DLGAP2: variants seen among roughly 807,000 people sequenced by gnomAD.
DLGAP2 encodes disks large-associated protein 2.
Under a neutral mutation model 100.3 loss-of-function variants are expected in DLGAP2, and 26 were observed. That is an observed-to-expected ratio of 0.26 (90% CI 0.19 to 0.36). The LOEUF is 0.36. Ranked by LOEUF, DLGAP2 falls within the 10% of genes least tolerant of loss-of-function variation. DLGAP2 has a pLI of 1.00. For missense variants in DLGAP2, 1,858 were observed against 1,453.2 expected (o/e 1.28, Z -4.53); for synonymous variants, 886 against 630.1 (o/e 1.41, Z -6.08).
At chr8:995,293 C>A (rs922456159) in intron 2 of DLGAP2, among the ~76,000 whole-genome samples, 2 of 152,132 alleles carry the variant, frequency 1.3e-5, no homozygotes, top group African/African-American at 4.8e-5. Flanking sequence ...GTTTCTGTGA[C>A]ATCAGTTTTT....
chr8:1,665,442 C>T (rs1400517318), intron 8 of DLGAP2, among the ~76,000 whole-genome samples: 2 of 152,204 alleles, frequency 1.3e-5, no homozygotes, highest in Non-Finnish European at 1.5e-5. Context: ...TATGTGCCAT[C>T]GTTCACTGCT....
intron 1 of DLGAP2, among the ~76,000 whole-genome samples, chr8:857,834 T>C (rs1797309738): frequency 6.6e-6 from 1 of 152,006 alleles, no homozygotes. Flanking sequence ...TTCACCCAGA[T>C]ACTTGAAAAC....
intron 2 of DLGAP2, among the ~76,000 whole-genome samples, chr8:958,553 A>G (rs1317923183): frequency 2.1e-5 from 3 of 145,076 alleles, no homozygotes; most frequent in Non-Finnish European, 4.5e-5. Context: ...TTGTAATGCC[A>G]TTAGTTATTG....
At chr8:931,568 G>C (rs1347946755) in intron 2 of DLGAP2, among the ~76,000 whole-genome samples, 1 of 152,178 alleles carries the variant, frequency 6.6e-6, no homozygotes, top group Non-Finnish European at 1.5e-5. Flanking sequence ...TGCAGTGAGA[G>C]CTGGGACATT....
intron 2 of DLGAP2, among the ~76,000 whole-genome samples, chr8:1,087,140 G>T (rs999860416): frequency 3.9e-5 from 6 of 152,146 alleles, no homozygotes; most frequent in Admixed American, 6.5e-5. Flanking sequence ...GTTAAACAAT[G>T]TGCAGAAAAG....
At chr8:1,093,336 G>A (rs889840984) in intron 2 of DLGAP2, among the ~76,000 whole-genome samples, 6 of 151,290 alleles carry the variant, frequency 4.0e-5, no homozygotes, top group African/African-American at 1.5e-4. Flanking sequence ...CCAACAGCCA[G>A]ACAGAAACAC....
At chr8:1,700,836 A>C (rs1259427678) in intron 14 of DLGAP2, among the ~76,000 whole-genome samples, 1 of 152,260 alleles carries the variant, frequency 6.6e-6, no homozygotes, top group African/African-American at 2.4e-5. Context: ...CGGAGATGAC[A>C]CAGGGCTTTG....
chr8:1,203,654 G>A (rs1797930378), intron 2 of DLGAP2, among the ~76,000 whole-genome samples: 1 of 152,216 alleles, frequency 6.6e-6, no homozygotes, highest in Non-Finnish European at 1.5e-5. Flanking sequence ...ATCAAGGAAT[G>A]GATGACGGTG....
chr8:1,389,777 C>T (rs1796305935), intron 3 of DLGAP2, among the ~76,000 whole-genome samples: 1 of 152,070 alleles, frequency 6.6e-6, no homozygotes, highest in Admixed American at 6.5e-5. Flanking sequence ...CAGGTACAAC[C>T]CCGGGCGGAG....
chr8:1,617,240 C>T (rs1466119973), intron 6 of DLGAP2, among the ~76,000 whole-genome samples: 1 of 152,188 alleles, frequency 6.6e-6, no homozygotes, highest in Non-Finnish European at 1.5e-5. Flanking sequence ...TGTGTGTATA[C>T]ACAATAATGG....
chr8:1,202,829 G>C lies in DLGAP2; in HGVS notation c.74-56022G>C, dbSNP rs532423563. On this transcript the variant is annotated intron_variant, in intron 2 of 14. Coordinates refer to ENST00000637795, the MANE Select transcript of DLGAP2 (RefSeq NM_001346810.2). ...CACTGAACACGCCTGATCAGATGCA[G>C]CTCGAGGAAAAAGCAGCCATGTCTT... 1.3e-4 allele frequency among the ~76,000 whole-genome samples: 20 copies of C among 152,314 alleles called. No individual in the cohort carries two copies. In the South Asian group the frequency reaches 1.7e-3, roughly 13 times the overall value.
chr8:941,617 A>G (rs778688859), intron 2 of DLGAP2, among the ~76,000 whole-genome samples: 1 of 152,188 alleles, frequency 6.6e-6, no homozygotes, highest in Non-Finnish European at 1.5e-5. Flanking sequence ...CTGGAGATCT[A>G]ATTCTCAGGA....
intron 2 of DLGAP2, among the ~76,000 whole-genome samples, chr8:1,213,540 C>T (rs574602332): frequency 3.9e-5 from 6 of 152,226 alleles, no homozygotes; most frequent in East Asian, 3.9e-4. Flanking sequence ...TGAGGGATTT[C>T]CACCTGTATT....
rs1427333006 is a variant in DLGAP2 at position 1,702,144 on chromosome 8, G to T, written c.*738G>T. On this transcript the variant is annotated 3_prime_UTR_variant, in exon 15 of 15. Transcript: ENST00000637795. ...CTGAGTGTTCCCACCAGGAAGTCAC[G>T]CGCAGAGAGGAGAGTCTTACGGAGG... 2.0e-5 allele frequency: 3 copies of T among 152,202 alleles called. No homozygotes were observed. Among genetic ancestry groups the T allele is most frequent in the Non-Finnish European group, 4.4e-5 (3 of 68,046 alleles). 9.4% of individuals were successfully genotyped at this position (152,202 alleles called of 1,614,324 possible).
chr8:918,226 A>G lies in DLGAP2; in HGVS notation c.73+10260A>G, dbSNP rs181779780. On this transcript the variant is annotated intron_variant, in intron 2 of 14. Coordinates refer to ENST00000637795, the MANE Select transcript of DLGAP2 (RefSeq NM_001346810.2). ...GGGGCATGGAAATGTGTGTTTGTGC[A>G]TGCACTTACTGGAAATTCAAAACAT... 1.2e-4 allele frequency among the ~76,000 whole-genome samples: 18 copies of G among 152,308 alleles called. No homozygotes were observed. In the East Asian group the frequency reaches 2.3e-3, roughly 20 times the overall value.
At chr8:1,264,207 G>A (rs1296637447) in intron 3 of DLGAP2, among the ~76,000 whole-genome samples, 4 of 152,096 alleles carry the variant, frequency 2.6e-5, no homozygotes, top group Non-Finnish European at 4.4e-5. Flanking sequence ...AACTAAGAAG[G>A]AATTCCAACC....
intron 1 of DLGAP2, among the ~76,000 whole-genome samples, chr8:842,452 C>T (rs1207830772): frequency 6.6e-6 from 1 of 152,210 alleles, no homozygotes; most frequent in Admixed American, 6.5e-5. Context: ...TTAAAAGTAA[C>T]TCATCTTTCT....
At chr8:1,615,959 G>T (rs889181916) in intron 6 of DLGAP2, among the ~76,000 whole-genome samples, 4 of 152,194 alleles carry the variant, frequency 2.6e-5, no homozygotes, top group African/African-American at 9.6e-5. Flanking sequence ...AGCAGCCGTT[G>T]TAAGGTCTTA....
At chr8:1,685,961 C>T (rs1376658884) in intron 12 of DLGAP2, among the ~76,000 whole-genome samples, 1 of 152,148 alleles carries the variant, frequency 6.6e-6, no homozygotes, top group Non-Finnish European at 1.5e-5. Context: ...AAGGGGAAAG[C>T]TTGCACACTG....
Sources: allele counts gnomAD v4.1 joint callset (sites outside exome capture counted in the v4.1 genomes callset), GRCh38; gene constraint gnomAD v4.1.1; transcripts MANE v1.5; gene names NCBI Gene and HGNC (gene_info 2026-07-23, HGNC 2026-07-21).